SERPINB7: variants seen among roughly 807,000 people sequenced by gnomAD.
SERPINB7 encodes serpin B7.
In SERPINB7, 31 loss-of-function variants were observed where a neutral mutation model predicts 37.4. That is an observed-to-expected ratio of 0.83 (90% CI 0.62 to 1.12). The LOEUF (loss-of-function observed/expected upper bound fraction) is 1.12. Among genes scored for constraint, SERPINB7 ranks in the 50% most tolerant of loss-of-function variants. The probability of loss-of-function intolerance (pLI) is 0.00; values close to 1 mark genes in which losing one functional copy is unlikely to be tolerated. For synonymous variants in SERPINB7, 163 were observed against 166.1 expected (o/e 0.98, Z 0.14); for missense variants, 521 against 455.3 (o/e 1.14, Z -1.31).
chr18:63,781,447 C>T (rs1428881464), intron 1 of SERPINB7, among the ~76,000 whole-genome samples: 1 of 152,216 alleles, frequency 6.6e-6, no homozygotes, highest in Non-Finnish European at 1.5e-5. Flanking sequence ...TGGCACCTGC[C>T]ACACCATCAG....
intron 1 of SERPINB7, among the ~76,000 whole-genome samples, chr18:63,766,392 A>G (rs529337356): frequency 2.2e-4 from 34 of 152,292 alleles, no homozygotes; most frequent in African/African-American, 7.9e-4. Context: ...TGTTTTTCCT[A>G]ACTTTTAAAA....
At chr18:63,763,543 C>A (rs2144587899) in intron 1 of SERPINB7, among the ~76,000 whole-genome samples, 1 of 152,224 alleles carries the variant, frequency 6.6e-6, no homozygotes, top group East Asian at 1.9e-4. Context: ...CAGCCAGAAG[C>A]TAAATTTGGT....
In SERPINB7 at chr18:63,759,351, T is replaced by C. The variant is rs974138842; in HGVS notation, c.-19+6231T>C. Among the ~76,000 whole-genome samples the C allele has an allele frequency of 3.9e-5, 6 of 152,106 alleles. No individual in the cohort carries two copies. In the East Asian group the frequency reaches 1.2e-3, roughly 29 times the overall value. On this transcript the variant is annotated intron_variant, in intron 1 of 7. Transcript: ENST00000336429. Reference sequence around the variant, plus strand: ...AAAATTTTCCAATTAAAATTGACAATTGGAAAATAATGTCTATTTTCCTTC... The same window carrying C: ...AAAATTTTCCAATTAAAATTGACAACTGGAAAATAATGTCTATTTTCCTTC...
chr18:63,792,439 G>A lies in SERPINB7; in HGVS notation c.215G>A (p.Ser72Asn). The A allele has an allele frequency of 6.3e-7, 1 of 1,589,898 alleles. No homozygotes were observed. The highest frequency in any genetic ancestry group is 8.6e-7 in the Non-Finnish European group (1 of 1,158,186). ...TCAGGATATGGAAACTCTTCTAATAGTCAGGTAAAGACAATATGTTCTTTT... is the reference window on the plus strand; with the variant it reads ...TCAGGATATGGAAACTCTTCTAATAATCAGGTAAAGACAATATGTTCTTTT... The part of the protein sequence containing the change: ...TASGYGNSSN[S>N]QSGLQSQLKR... Residue 72 changes from serine (S) to asparagine (N), a missense_variant, in exon 3 of 8, where the codon AGT becomes AAT. By Grantham distance (46) the Ser-to-Asn change is conservative. Transcript: ENST00000398019.
chr18:63,798,851 C>A, intron 6 of SERPINB7, 105 bp downstream of exon 6: 1 of 1,221,170 alleles, frequency 8.2e-7, no homozygotes, highest in Non-Finnish European at 1.1e-6. Flanking sequence ...GTTTTAAACC[C>A]ATTTCTTCTT....
chr18:63,765,707 CCTGA>C (rs1763680833), intron 1 of SERPINB7, among the ~76,000 whole-genome samples: 1 of 152,096 alleles, frequency 6.6e-6, no homozygotes, highest in African/African-American at 2.4e-5. Flanking sequence ...TATTTTAGAT[CCTGA>C]CTTAGATTTA....
chr18:63,773,516 A>G (rs1177969094), upstream of SERPINB7, among the ~76,000 whole-genome samples: 3 of 152,098 alleles, frequency 2.0e-5, no homozygotes, highest in Non-Finnish European at 2.9e-5. Flanking sequence ...ACAGAGCTCT[A>G]TGTAACCAGA....
At chr18:63,755,193 C>T (rs538686051) in intron 1 of SERPINB7, among the ~76,000 whole-genome samples, 2 of 152,074 alleles carry the variant, frequency 1.3e-5, no homozygotes, top group African/African-American at 2.4e-5. Flanking sequence ...CGTGAGCCAC[C>T]GCGCCCGGCC....
At chr18:63,796,939 G>A (rs1264686565) in intron 5 of SERPINB7, among the ~76,000 whole-genome samples, 2 of 152,028 alleles carry the variant, frequency 1.3e-5, no homozygotes, top group African/African-American at 4.8e-5. Context: ...CTTTTTCCAA[G>A]GATGTATAGT....
intron 1 of SERPINB7, among the ~76,000 whole-genome samples, chr18:63,769,917 A>T (rs549901992): frequency 2.6e-5 from 4 of 151,310 alleles, no homozygotes; most frequent in African/African-American, 9.7e-5. Flanking sequence ...GCTAGTGTCT[A>T]CTTTCTTCAG....
chr18:63,774,735 A>G (rs1439943944), upstream of SERPINB7, among the ~76,000 whole-genome samples: 2 of 152,128 alleles, frequency 1.3e-5, no homozygotes, highest in African/African-American at 4.8e-5. Context: ...AGAATGAATG[A>G]ACACACCAAG....
chr18:63,753,425 C>A (rs183816761), intron 1 of SERPINB7, among the ~76,000 whole-genome samples: 50 of 152,158 alleles, frequency 3.3e-4, no homozygotes, highest in African/African-American at 1.2e-3. Context: ...TTATTCCTTA[C>A]CTTATGAAAA....
At chr18:63,783,152 C>A (rs1389254437) in intron 2 of SERPINB7, among the ~76,000 whole-genome samples, 1 of 135,920 alleles carries the variant, frequency 7.4e-6, no homozygotes, top group Non-Finnish European at 1.6e-5. Flanking sequence ...AACAAACGAT[C>A]AAACAAAACA....
intron 7 of SERPINB7, among the ~76,000 whole-genome samples, chr18:63,803,872 T>C (rs2049576211): frequency 6.6e-6 from 1 of 152,180 alleles, no homozygotes; most frequent in Admixed American, 6.5e-5. Context: ...TAGGAAATAT[T>C]GATTTAAATG....
chr18:63,766,508 G>T (rs2049181405), intron 1 of SERPINB7, among the ~76,000 whole-genome samples: 1 of 152,050 alleles, frequency 6.6e-6, no homozygotes, highest in Non-Finnish European at 1.5e-5. Context: ...GAGAATCGTG[G>T]CATAGCACTT....
chr18:63,753,956 C>T (rs751085060), intron 1 of SERPINB7, among the ~76,000 whole-genome samples: 2 of 152,070 alleles, frequency 1.3e-5, no homozygotes, highest in Non-Finnish European at 2.9e-5. Context: ...TTTTTGCCCT[C>T]AATATAAACA....
chr18:63,803,219 G>C (rs932566357), intron 7 of SERPINB7, among the ~76,000 whole-genome samples: 1 of 151,728 alleles, frequency 6.6e-6, no homozygotes, highest in African/African-American at 2.4e-5. Flanking sequence ...TAACGATGAG[G>C]AAGTTGGATC....
upstream of SERPINB7, among the ~76,000 whole-genome samples, chr18:63,770,536 T>G (rs926617492): frequency 1.6e-4 from 25 of 152,214 alleles, no homozygotes; most frequent in African/African-American, 6.0e-4. Flanking sequence ...TCTTGTAATT[T>G]CAGTTTCTAT....
At chr18:63,760,519 T>A (rs1211083896) in intron 1 of SERPINB7, among the ~76,000 whole-genome samples, 1 of 152,180 alleles carries the variant, frequency 6.6e-6, no homozygotes. Flanking sequence ...AGGAGCCTAA[T>A]GTTAATCCCC....
Sources: gnomAD v4.1 joint callset for allele counts (sites outside exome capture counted in the v4.1 genomes callset) on GRCh38, gnomAD v4.1.1 for gene constraint, MANE v1.5 for transcripts, NCBI Gene and HGNC (gene_info 2026-07-23, HGNC 2026-07-21) for gene names.